The following SLC13A3 variants were observed in gnomAD, a reference collection of about 807,000 sequenced individuals.
The protein encoded by SLC13A3 is solute carrier family 13 member 3, also known as Na(+)/dicarboxylate cotransporter 3.
SLC13A3 carries 40 observed loss-of-function variants against 59.0 expected under a neutral mutation model. That is an observed-to-expected ratio of 0.68 (90% CI 0.53 to 0.88). The LOEUF (loss-of-function observed/expected upper bound fraction) is 0.88, where lower values mean the gene tolerates loss of function less well. SLC13A3 is among the 40% of genes least tolerant of loss of function. SLC13A3 has a pLI of 0.00. For synonymous variants in SLC13A3, 317 were observed against 330.3 expected, an observed-to-expected ratio of 0.96 and a Z score of 0.44; for missense variants, 699 against 783.2, an observed-to-expected ratio of 0.89 and a Z score of 1.28.
chr20:46,613,722 CT>C lies in SLC13A3; in HGVS notation c.114del (p.Gly39AlafsTer23). 6.3e-7 allele frequency: 1 copy of C among 1,596,958 alleles called. No individual in the cohort carries two copies. The highest frequency in any genetic ancestry group is 8.5e-7 in the Non-Finnish European group (1 of 1,170,876). Reference protein sequence around the residue: ...LPVVFALPPKEGRCLFVILLM... With the variant: ...LPVVFALPPKXGRCLFVILLM... The stretch of plus-strand genomic sequence containing the variant: ...AGCAGGATGACAAACAAGCAGCGGC[CT>C]TCCTGCAGGAGGAGATGCATGCTCA... On this transcript the variant is annotated frameshift_variant and splice_region_variant, in exon 2 of 13. Transcript: ENST00000279027. LOFTEE classifies it high-confidence loss of function.
chr20:46,587,655 T>C (rs1444954059), intron 8 of SLC13A3, among the ~76,000 whole-genome samples: 1 of 152,214 alleles, frequency 6.6e-6, no homozygotes, highest in Admixed American at 6.5e-5. Context: ...CTTTCCTTCA[T>C]AGCACTCATT....
intron 1 of SLC13A3, among the ~76,000 whole-genome samples, chr20:46,675,711 C>T (rs942669698): frequency 1.3e-5 from 2 of 151,224 alleles, no homozygotes; most frequent in East Asian, 2.0e-4. Flanking sequence ...CCTCCCCAGT[C>T]GCTGGGACTA....
chr20:46,642,215 AT>A (rs1212452398), intron 1 of SLC13A3, among the ~76,000 whole-genome samples: 2 of 152,332 alleles, frequency 1.3e-5, no homozygotes, highest in East Asian at 3.9e-4. Context: ...TCATACCCAA[AT>A]AAAACAAATT....
chr20:46,659,425 C>G (rs1256918466), intron 1 of SLC13A3, among the ~76,000 whole-genome samples: 2 of 152,042 alleles, frequency 1.3e-5, no homozygotes, highest in African/African-American at 4.8e-5. Context: ...AAGAGCCTTA[C>G]AATAATGGTG....
At chr20:46,560,824 G>T (rs539066670) in intron 12 of SLC13A3, among the ~76,000 whole-genome samples, 1 of 152,162 alleles carries the variant, frequency 6.6e-6, no homozygotes, top group Non-Finnish European at 1.5e-5. Flanking sequence ...GGACCATTCA[G>T]TCCACCTTGG....
chr20:46,579,499 A>G (rs2062112845), intron 9 of SLC13A3, among the ~76,000 whole-genome samples: 1 of 152,302 alleles, frequency 6.6e-6, no homozygotes, highest in African/African-American at 2.4e-5. Flanking sequence ...ACCAAAATAT[A>G]AGACTCCACA....
rs73115527 is a variant in SLC13A3 at position 46,641,910 on chromosome 20, G to T, written c.111+9401C>A. On this transcript the variant is annotated intron_variant, in intron 1 of 12. Coordinates refer to ENST00000279027, the MANE Select transcript of SLC13A3 (RefSeq NM_022829.6). ...TGAGGGATCTCACATGAATCCACCT[G>T]CCCTAATCACCCCAGAGCCAGGTAC... 6.7e-3 allele frequency among the ~76,000 whole-genome samples: 1,023 copies of T among 152,150 alleles called. 6 individuals are homozygous for T. Among genetic ancestry groups the T allele is most frequent in the Non-Finnish European group, 0.01 (713 of 67,970 alleles).
At chr20:46,625,986 T>C (rs551415856) in intron 1 of SLC13A3, among the ~76,000 whole-genome samples, 1 of 152,316 alleles carries the variant, frequency 6.6e-6, no homozygotes, top group Non-Finnish European at 1.5e-5. Context: ...ACATCTGCTT[T>C]GGAGGTGACA....
In SLC13A3 at chr20:46,566,335, G is replaced by T. The variant is rs760766533; in HGVS notation, c.1388C>A (p.Pro463His). Residue 463 changes from proline (P) to histidine (H), a missense_variant, in exon 11 of 13, where the codon CCC becomes CAC. Physicochemically the swap from Pro to His is moderately conservative, Grantham distance 77. Transcript: ENST00000279027. Reference sequence around the variant, plus strand: ...GATGAGCAGCACAGCCAGGGCGGGGGGCACATTCTCCAGGGGGTGCAGCTG... The same window carrying T: ...GATGAGCAGCACAGCCAGGGCGGGGTGCACATTCTCCAGGGGGTGCAGCTG... Reference protein sequence around the residue: ...GGQLHPLENVPPALAVLLITV... With the variant: ...GGQLHPLENVHPALAVLLITV... 6.2e-7 allele frequency: 1 copy of T among 1,612,740 alleles called. No individual in the cohort carries two copies.
chr20:46,660,571 A>T (rs1329185283), intron 1 of SLC13A3, among the ~76,000 whole-genome samples: 1 of 152,086 alleles, frequency 6.6e-6, no homozygotes, highest in Non-Finnish European at 1.5e-5. Context: ...AGATCTCTTT[A>T]TCTTTCACTT....
intron 11 of SLC13A3, among the ~76,000 whole-genome samples, chr20:46,564,904 A>G (rs1462681906): frequency 6.6e-6 from 1 of 152,260 alleles, no homozygotes; most frequent in East Asian, 1.9e-4. Flanking sequence ...TTGAAAAATA[A>G]CACAGTGTAT....
rs868300488 is a variant in SLC13A3 at position 46,648,946 on chromosome 20, C to T, written c.111+2365G>A. 7.4e-4 allele frequency among the ~76,000 whole-genome samples: 108 copies of T among 146,542 alleles called. 2 individuals carry two copies. Among genetic ancestry groups the T allele is most frequent in the Admixed American group, 4.5e-3 (55 of 12,188 alleles). Reference sequence around the variant, plus strand: ...ACACACACACACACACACACATACACACACACACACACACACACACATAAA... The same window carrying T: ...ACACACACACACACACACACATACATACACACACACACACACACACATAAA... On this transcript the variant is annotated intron_variant, in intron 1 of 12. Coordinates refer to ENST00000279027, the MANE Select transcript of SLC13A3 (RefSeq NM_022829.6).
intron 1 of SLC13A3, among the ~76,000 whole-genome samples, chr20:46,623,401 CTCTA>C (rs1322669118): frequency 2.6e-5 from 4 of 152,138 alleles, no homozygotes; most frequent in Non-Finnish European, 2.9e-5. Context: ...TTCCTTTCCT[CTCTA>C]TCTTTTTTTG....
At chr20:46,683,949 A>G (rs1354928158) in intron 1 of SLC13A3, among the ~76,000 whole-genome samples, 1 of 151,984 alleles carries the variant, frequency 6.6e-6, no homozygotes, top group Non-Finnish European at 1.5e-5. Context: ...TCTGCCAGCA[A>G]CCAATGCAAC....
At chr20:46,623,170 G>T (rs951600668) in intron 1 of SLC13A3, among the ~76,000 whole-genome samples, 2 of 152,106 alleles carry the variant, frequency 1.3e-5, no homozygotes, top group Non-Finnish European at 2.9e-5. Context: ...AAAAGAAAAT[G>T]GAATACAATG....
upstream of SLC13A3, among the ~76,000 whole-genome samples, chr20:46,674,604 C>CGCGCGCGTGTGTGTGT (rs370861850): frequency 3.9e-5 from 5 of 127,882 alleles, no homozygotes; most frequent in African/African-American, 1.6e-4. Context: ...CGCGCGCGCG[C>CGCGCGCGTGTGTGTGT]GTGTGTGTGT....
At chr20:46,601,749 G>A (rs541255953) in intron 3 of SLC13A3, among the ~76,000 whole-genome samples, 3 of 152,204 alleles carry the variant, frequency 2.0e-5, no homozygotes, top group Non-Finnish European at 4.4e-5. Context: ...GAGGGGATGA[G>A]CCAAGCAAAC....
intron 3 of SLC13A3, among the ~76,000 whole-genome samples, chr20:46,602,171 A>G (rs562365850): frequency 3.4e-4 from 52 of 152,208 alleles, no homozygotes; most frequent in Admixed American, 3.3e-3. Flanking sequence ...CATCTCTAAA[A>G]AACATTCTCC....
intron 1 of SLC13A3, among the ~76,000 whole-genome samples, chr20:46,658,970 G>A (rs1040634564): frequency 4.6e-5 from 7 of 152,234 alleles, no homozygotes; most frequent in South Asian, 4.1e-4. Flanking sequence ...TATTTAAATA[G>A]CCACAATAGT....
Sources: allele counts gnomAD v4.1 joint callset (sites outside exome capture counted in the v4.1 genomes callset), GRCh38; gene constraint gnomAD v4.1.1; transcripts MANE v1.5; gene names NCBI Gene and HGNC (gene_info 2026-07-23, HGNC 2026-07-21).